DLGAP2: variants seen among roughly 807,000 people sequenced by gnomAD.
DLGAP2 encodes disks large-associated protein 2.
DLGAP2 carries 26 observed loss-of-function variants against 100.3 expected under a neutral mutation model. The observed-to-expected ratio is 0.26, with a 90% confidence interval of 0.19 to 0.36. DLGAP2 has a LOEUF of 0.36. Ranked by LOEUF, DLGAP2 falls within the 10% of genes least tolerant of loss-of-function variation. DLGAP2 has a pLI of 1.00. For synonymous variants in DLGAP2, 886 were observed against 630.1 expected, an observed-to-expected ratio of 1.41 and a Z score of -6.08; for missense variants, 1,858 against 1,453.2, an observed-to-expected ratio of 1.28 and a Z score of -4.53.
At chr8:924,050 T>G (rs1226063468) in intron 2 of DLGAP2, among the ~76,000 whole-genome samples, 2 of 152,236 alleles carry the variant, frequency 1.3e-5, no homozygotes, top group African/African-American at 2.4e-5. Flanking sequence ...CAGCATCCAT[T>G]GCGTATTGAT....
At chr8:1,268,228 T>A (rs369951947) in intron 3 of DLGAP2, among the ~76,000 whole-genome samples, 23 of 152,326 alleles carry the variant, frequency 1.5e-4, no homozygotes, top group African/African-American at 5.3e-4. Flanking sequence ...TTTTATATTT[T>A]TGGTCACTGG....
At chr8:977,046 A>G (rs1800182826) in intron 2 of DLGAP2, among the ~76,000 whole-genome samples, 1 of 152,228 alleles carries the variant, frequency 6.6e-6, no homozygotes, top group African/African-American at 2.4e-5. Context: ...CTAATAAAAT[A>G]CATGGATTGG....
intron 2 of DLGAP2, among the ~76,000 whole-genome samples, chr8:973,346 A>G (rs576070266): frequency 1.3e-3 from 194 of 150,464 alleles, no homozygotes; most frequent in African/African-American, 4.6e-3. Flanking sequence ...GACGCTCCTC[A>G]CTTCCCAGAC....
At chr8:1,371,086 T>A (rs2129705878) in intron 3 of DLGAP2, among the ~76,000 whole-genome samples, 1 of 152,348 alleles carries the variant, frequency 6.6e-6, no homozygotes, top group Middle Eastern at 3.4e-3. Flanking sequence ...GCACTGTCAT[T>A]GCTTTTATAA....
chr8:1,570,721 G>T (rs1802620060), intron 6 of DLGAP2, among the ~76,000 whole-genome samples: 1 of 148,332 alleles, frequency 6.7e-6, no homozygotes, highest in African/African-American at 2.5e-5. Flanking sequence ...GGAGAGAGGG[G>T]TAAACTGGAG....
chr8:1,004,705 A>G (rs983763825), intron 2 of DLGAP2, among the ~76,000 whole-genome samples: 7 of 152,164 alleles, frequency 4.6e-5, no homozygotes, highest in African/African-American at 1.7e-4. Flanking sequence ...TGTCTCCAGT[A>G]TGTGCGGCAT....
At chr8:1,151,965 C>T (rs770494057) in intron 2 of DLGAP2, among the ~76,000 whole-genome samples, 1 of 152,198 alleles carries the variant, frequency 6.6e-6, no homozygotes. Flanking sequence ...ATGTTGGTTC[C>T]CACAAGACAC....
chr8:738,864 G>C (rs1176360247), intron 1 of DLGAP2: 1 of 152,774 alleles, frequency 6.5e-6, no homozygotes, highest in Admixed American at 6.5e-5. Context: ...CCCGGACAGC[G>C]TAGGTTCGCA....
rs777058938 is a variant in DLGAP2, at chr8:1,632,869, G to A, written c.1633G>A (p.Glu545Lys). The change falls in exon 8 of 15, where the codon GAG becomes AAG. Residue 545 changes from glutamate (E) to lysine (K), a missense_variant. Physicochemically the swap from Glu to Lys is moderately conservative, Grantham distance 56. Coordinates refer to ENST00000637795, the MANE Select transcript of DLGAP2 (RefSeq NM_001346810.2). Reference protein sequence around the residue: ...EINGQFESVCESVFSEVESQA... With the variant: ...EINGQFESVCKSVFSEVESQA... ...CAATGGGCAATTCGAGTCCGTGTGC[G>A]AGTCCGTCTTCAGTGAAGTTGAATC... The A allele has an allele frequency of 6.8e-6, 11 of 1,613,664 alleles. No homozygotes were observed. The highest frequency in any genetic ancestry group is 1.1e-5 in the South Asian group (1 of 91,078).
At chr8:817,174 C>A (rs1796498149) in intron 1 of DLGAP2, among the ~76,000 whole-genome samples, 1 of 148,212 alleles carries the variant, frequency 6.7e-6, no homozygotes, top group African/African-American at 2.5e-5. Context: ...GTTATCTTTT[C>A]TTTGTCTTTG....
intron 1 of DLGAP2, among the ~76,000 whole-genome samples, chr8:868,635 G>T (rs1023083598): frequency 6.6e-6 from 1 of 152,204 alleles, no homozygotes; most frequent in Non-Finnish European, 1.5e-5. Flanking sequence ...TGCCTCGCTG[G>T]AGCATTCATG....
intron 2 of DLGAP2, among the ~76,000 whole-genome samples, chr8:1,107,851 A>C (rs1000449757): frequency 6.6e-6 from 1 of 152,022 alleles, no homozygotes; most frequent in Non-Finnish European, 1.5e-5. Flanking sequence ...ACACCGAACC[A>C]CCCTAAGCTG....
At chr8:1,516,450 A>AGTGACTGAGTGAATGAGTGG (rs1800389613) in intron 4 of DLGAP2, among the ~76,000 whole-genome samples, 1 of 151,150 alleles carries the variant, frequency 6.6e-6, no homozygotes, top group Non-Finnish European at 1.5e-5. Context: ...TGAGGGAAAG[A>AGTGACTGAGTGAATGAGTGG]GTGACTGAGT....
chr8:1,349,271 C>G (rs2012739), intron 3 of DLGAP2, among the ~76,000 whole-genome samples: 1 of 146,610 alleles, frequency 6.8e-6, no homozygotes, highest in Non-Finnish European at 1.5e-5. Context: ...GGCACTATCA[C>G]GAGCCTCCCG....
At chr8:1,218,654 T>C (rs1798258804) in intron 2 of DLGAP2, among the ~76,000 whole-genome samples, 1 of 152,186 alleles carries the variant, frequency 6.6e-6, no homozygotes, top group Non-Finnish European at 1.5e-5. Context: ...AGAATAGTTC[T>C]AATTATATGG....
intron 2 of DLGAP2, among the ~76,000 whole-genome samples, chr8:1,160,910 C>G (rs972221919): frequency 6.6e-6 from 1 of 152,214 alleles, no homozygotes; most frequent in Non-Finnish European, 1.5e-5. Context: ...GACTGGCCGT[C>G]ATCTGGGTTT....
Position 1,549,295 on chromosome 8 carries a change from A to G in DLGAP2, c.842A>G (p.Lys281Arg), listed in dbSNP as rs1801673742. The change falls in exon 5 of 15, where the codon AAG becomes AGG. Residue 281 changes from lysine (K) to arginine (R), a missense_variant. By Grantham distance (26) the Lys-to-Arg change is conservative (BLOSUM62 2). Transcript: ENST00000637795. ...AAGCACAGCAAGAGGAGCAAGAGCA[A>G]GGAGCGCAAGCCGGAGGGCAAGCCC... ...HAKHSKRSKS[K>R]ERKPEGKPRP... 2 of 1,612,322 alleles carry G rather than the reference A, an allele frequency of 1.2e-6. No homozygotes were observed. The highest frequency in any genetic ancestry group is 1.1e-5 in the South Asian group (1 of 91,036).
chr8:1,350,282 T>A (rs1213383918), intron 3 of DLGAP2, among the ~76,000 whole-genome samples: 1 of 86,498 alleles, frequency 1.2e-5, no homozygotes, highest in Non-Finnish European at 2.4e-5. Context: ...GCCGTGCGGG[T>A]CCTGAGCGTG....
At chr8:1,422,213 C>T (rs1441582249) in intron 3 of DLGAP2, among the ~76,000 whole-genome samples, 1 of 152,086 alleles carries the variant, frequency 6.6e-6, no homozygotes, top group Non-Finnish European at 1.5e-5. Flanking sequence ...AGACACAGAC[C>T]CTCCTGAAGG....
Sources: gnomAD v4.1 joint callset for allele counts (sites outside exome capture counted in the v4.1 genomes callset) on GRCh38, gnomAD v4.1.1 for gene constraint, MANE v1.5 for transcripts, NCBI Gene and HGNC (gene_info 2026-07-23, HGNC 2026-07-21) for gene names.